The following PPA1 variants were observed in gnomAD, a reference collection of about 807,000 sequenced individuals.
PPA1 encodes inorganic pyrophosphatase.
A neutral mutation model predicts 41.8 loss-of-function variants in PPA1; 23 were observed. The ratio of observed to expected loss-of-function variants is 0.55; its 90% CI spans 0.40 to 0.78. The LOEUF (loss-of-function observed/expected upper bound fraction) is 0.78. PPA1 is among the 30% of genes least tolerant of loss of function. The pLI, the probability that PPA1 is intolerant of heterozygous loss-of-function variation, is 0.00. For missense variants in PPA1, 320 were observed against 361.6 expected (o/e 0.89, Z 0.93); for synonymous variants, 101 against 116.8 (o/e 0.86, Z 0.87).
intron 10 of PPA1, chr10:70,204,329 G>A (rs1189840135): frequency 6.6e-6 from 1 of 152,150 alleles, no homozygotes; most frequent in Non-Finnish European, 1.5e-5. Context: ...GGGGGTTACG[G>A]GTACAATGAG....
rs952434380 is a variant in PPA1 at position 70,205,050 on chromosome 10, G to A, written c.796-135C>T. On this transcript the variant is annotated intron_variant, in intron 9 of 10. Coordinates refer to ENST00000373232, the MANE Select transcript of PPA1 (RefSeq NM_021129.4). ...ATCTAAACGTAATTTATAATATATA[G>A]GAACAATAGAAGGTTTGCTCTACTG... The A allele has an allele frequency of 1.0e-4, 64 of 638,740 alleles. No homozygotes were observed. In the African/African-American group the frequency reaches 1.1e-3, roughly 11 times the overall value. The allele number at this position is 638,740 out of a possible 1,614,324, so 39.6% of individuals were successfully genotyped here.
chr10:70,225,834 A>T (rs1304669570), intron 2 of PPA1, among the ~76,000 whole-genome samples: 1 of 152,162 alleles, frequency 6.6e-6, no homozygotes, highest in Non-Finnish European at 1.5e-5. Flanking sequence ...ATGGCTCTTA[A>T]TTCTAAGTTT....
At chr10:70,206,041 C>T (rs189882842) in intron 9 of PPA1, 23 of 523,424 alleles carry the variant, frequency 4.4e-5, no homozygotes, top group African/African-American at 4.4e-4. Flanking sequence ...TACTACCATG[C>T]TATCTGTCCA....
At chr10:70,209,363 C>T (rs1434383506) in intron 7 of PPA1, 73 bp from the exon 8 acceptor site, 16 of 1,362,614 alleles carry the variant, frequency 1.2e-5, no homozygotes, top group Non-Finnish European at 1.6e-5. Flanking sequence ...TTCCCCAAAG[C>T]CTGATACTTT....
In PPA1 at chr10:70,210,484, G is replaced by C. The variant is rs138739687; in HGVS notation, c.512-799C>G. On this transcript the variant is annotated intron_variant, in intron 6 of 10. Transcript: ENST00000373232. ...ATGGGTTACGTATTAAATGTGACTA[G>C]ACTTTGCTGGATAGTACAGGCACTG... 1,053 of 1,325,978 alleles carry C rather than the reference G, an allele frequency of 7.9e-4. 8 individuals are homozygous for C. The African/African-American group carries it at 0.011, about 14-fold the overall frequency. The allele number at this position is 1,325,978 out of a possible 1,614,324, so 82.1% of individuals were successfully genotyped here.
intron 5 of PPA1, 132 bp downstream of exon 5, chr10:70,214,368 C>A: frequency 1.4e-6 from 1 of 723,100 alleles, no homozygotes; most frequent in Non-Finnish European, 2.2e-6. Context: ...TGCAAGAAGC[C>A]TTTAATACCA....
intron 3 of PPA1, 40 bp from the exon 4 acceptor site, chr10:70,217,971 T>C (rs1436350504): frequency 6.8e-7 from 1 of 1,475,388 alleles, no homozygotes; most frequent in South Asian, 1.3e-5. Context: ...TATTTGGATG[T>C]GAAATACTAT....
At chr10:70,222,805 G>C (rs911696805) in intron 2 of PPA1, among the ~76,000 whole-genome samples, 1 of 151,830 alleles carries the variant, frequency 6.6e-6, no homozygotes, top group African/African-American at 2.4e-5. Context: ...TTAGCATTAG[G>C]TATATCTCCT....
intron 6 of PPA1, chr10:70,210,084 C>CTT (rs778569828): frequency 7.4e-4 from 194 of 261,836 alleles, no homozygotes; most frequent in South Asian, 1.4e-3. Flanking sequence ...CAGAGGTTAT[C>CTT]TTTTTTTTTT....
intron 8 of PPA1, among the ~76,000 whole-genome samples, chr10:70,206,865 A>AGGAGGGGAGT (rs1839947849): frequency 1.2e-4 from 1 of 8,672 alleles, no homozygotes; most frequent in Non-Finnish European, 1.9e-4. Context: ...AGGAGAGGAG[A>AGGAGGGGAGT]GGAGGGGAGG....
At chr10:70,222,520 C>T (rs969981365) in intron 2 of PPA1, among the ~76,000 whole-genome samples, 1 of 151,886 alleles carries the variant, frequency 6.6e-6, no homozygotes, top group African/African-American at 2.4e-5. Flanking sequence ...CTTTTAACTC[C>T]CAAAGAGTTG....
intron 10 of PPA1, chr10:70,204,654 C>T (rs1439733490): frequency 6.7e-6 from 3 of 445,890 alleles, no homozygotes. Flanking sequence ...GAGTAGATTT[C>T]AAATGTTTTT....
chr10:70,231,158 GAT>G (rs1444969542), intron 1 of PPA1, among the ~76,000 whole-genome samples: 1 of 152,138 alleles, frequency 6.6e-6, no homozygotes, highest in African/African-American at 2.4e-5. Flanking sequence ...TTATATTCTA[GAT>G]ATATATTACT....
intron 9 of PPA1, 125 bp downstream of exon 9, chr10:70,206,139 C>A: frequency 1.4e-6 from 1 of 723,932 alleles, no homozygotes; most frequent in Non-Finnish European, 2.4e-6. Context: ...TTTCAAGACT[C>A]CACACAGTAA....
chr10:70,209,894 A>G, intron 6 of PPA1: 1 of 543,444 alleles, frequency 1.8e-6, no homozygotes, highest in Non-Finnish European at 3.2e-6. Context: ...CCATACACAT[A>G]TACATTGAAA....
At chr10:70,209,115 A>C (rs1467791940) in intron 8 of PPA1, 90 bp downstream of exon 8, 25 of 889,242 alleles carry the variant, frequency 2.8e-5, no homozygotes, top group Non-Finnish European at 4.0e-5. Flanking sequence ...TTCTAAGTGA[A>C]AGTAACAGTA....
At chr10:70,209,066 T>G (rs1467462625) in intron 8 of PPA1, 139 bp downstream of exon 8, 2 of 557,992 alleles carry the variant, frequency 3.6e-6, no homozygotes, top group South Asian at 3.5e-5. Flanking sequence ...AGTGCTGGAA[T>G]GACAGGTGTG....
At chr10:70,220,077 G>A (rs1025191151) in intron 2 of PPA1, among the ~76,000 whole-genome samples, 29 of 151,466 alleles carry the variant, frequency 1.9e-4, no homozygotes, top group Non-Finnish European at 3.8e-4. Context: ...ACACAGGGGC[G>A]TGCCACTACA....
At chr10:70,210,771 A>T (rs200492395) in intron 6 of PPA1, among the ~76,000 whole-genome samples, 2,945 of 148,664 alleles carry the variant, frequency 0.02, 60 homozygotes, top group South Asian at 0.098. Flanking sequence ...ACTCCAATTT[A>T]TTTTTTTTTT....
Sources: gnomAD v4.1 joint callset for allele counts (sites outside exome capture counted in the v4.1 genomes callset) on GRCh38, gnomAD v4.1.1 for gene constraint, MANE v1.5 for transcripts, NCBI Gene and HGNC (gene_info 2026-07-23, HGNC 2026-07-21) for gene names.